Variants in HHAT observed in about 807,000 individuals in gnomAD.
HHAT encodes protein-cysteine N-palmitoyltransferase HHAT.
In HHAT, 47 loss-of-function variants were observed where a neutral mutation model predicts 70.8. The ratio of observed to expected loss-of-function variants is 0.66; its 90% CI spans 0.53 to 0.85. The LOEUF (loss-of-function observed/expected upper bound fraction) is 0.85, where lower values mean the gene tolerates loss of function less well. Ranked by LOEUF, HHAT falls within the 40% of genes least tolerant of loss-of-function variation. The pLI, the probability that HHAT is intolerant of heterozygous loss-of-function variation, is 0.00. For synonymous variants in HHAT, 228 were observed against 247.6 expected, an observed-to-expected ratio of 0.92 and a Z score of 0.74; for missense variants, 609 against 604.8, an observed-to-expected ratio of 1.01 and a Z score of -0.07.
intron 11 of HHAT, among the ~76,000 whole-genome samples, chr1:210,663,298 C>T (rs1333028068): frequency 2.0e-5 from 3 of 152,090 alleles, no homozygotes; most frequent in African/African-American, 7.2e-5. Flanking sequence ...TCTCTGTTAC[C>T]TTGAGCACCT....
intron 6 of HHAT, among the ~76,000 whole-genome samples, chr1:210,409,857 G>T (rs1204426132): frequency 6.6e-6 from 1 of 152,180 alleles, no homozygotes; most frequent in Non-Finnish European, 1.5e-5. Context: ...ATGAGTTAAT[G>T]TGTATTTTTT....
chr1:210,375,002 C>G (rs1469986976), intron 3 of HHAT, among the ~76,000 whole-genome samples: 1 of 152,214 alleles, frequency 6.6e-6, no homozygotes, highest in African/African-American at 2.4e-5. Flanking sequence ...GGTTAGCTCC[C>G]CAGTGGGGAA....
At chr1:210,511,707 C>A (rs1260625442) in intron 8 of HHAT, among the ~76,000 whole-genome samples, 1 of 151,926 alleles carries the variant, frequency 6.6e-6, no homozygotes, top group African/African-American at 2.4e-5. Context: ...TGGGATGCAA[C>A]CACCACCCGT....
Position 210,329,074 on chromosome 1 carries a change from T to C in HHAT, c.-74T>C, listed in dbSNP as rs781074105. The C allele has an allele frequency of 3.0e-5, 43 of 1,428,564 alleles. 1 individual carries two copies. The Middle Eastern group carries it at 1.4e-3, about 47-fold the overall frequency. 88.5% of individuals were successfully genotyped at this position (1,428,564 alleles called of 1,614,324 possible). A position where few individuals can be genotyped will look rare whatever the true frequency, so the allele number is the denominator to read the frequency against. ...GGGAACTCGCGGCGCGCGTGAACGT[T>C]GCCGTCGCCGCCGCCCGGGACAGCC... On this transcript the variant is annotated 5_prime_UTR_variant, in exon 1 of 12. Coordinates refer to ENST00000261458, the MANE Select transcript of HHAT (RefSeq NM_018194.6).
intron 11 of HHAT, among the ~76,000 whole-genome samples, chr1:210,669,348 T>G (rs771913781): frequency 1.3e-5 from 2 of 152,158 alleles, no homozygotes; most frequent in Non-Finnish European, 2.9e-5. Context: ...TCTCTTCGCT[T>G]CAGCCATTTC....
At chr1:210,550,115 TC>T (rs544757409) in intron 9 of HHAT, among the ~76,000 whole-genome samples, 2 of 149,346 alleles carry the variant, frequency 1.3e-5, no homozygotes, top group South Asian at 2.2e-4. Context: ...TAAACTCCAC[TC>T]ATCCTTTCAT....
chr1:210,618,736 G>A (rs969610192), intron 10 of HHAT, among the ~76,000 whole-genome samples: 7 of 152,122 alleles, frequency 4.6e-5, no homozygotes, highest in African/African-American at 1.7e-4. Flanking sequence ...TTTGACCCAC[G>A]TTCCTGCAGC....
intron 6 of HHAT, among the ~76,000 whole-genome samples, chr1:210,409,915 C>G (rs1485310334): frequency 6.6e-6 from 1 of 152,096 alleles, no homozygotes; most frequent in African/African-American, 2.4e-5. Context: ...TTCCAGTGGT[C>G]TAAAGGTTTG....
At chr1:210,543,021 C>T (rs1409752144) in intron 9 of HHAT, among the ~76,000 whole-genome samples, 1 of 152,098 alleles carries the variant, frequency 6.6e-6, no homozygotes, top group Non-Finnish European at 1.5e-5. Flanking sequence ...GGGAGAACTG[C>T]ATTTGCTTCA....
chr1:210,360,842 TTCAC>T (rs1381466755), intron 2 of HHAT, among the ~76,000 whole-genome samples: 7 of 108,636 alleles, frequency 6.4e-5, no homozygotes, highest in South Asian at 3.1e-4. Flanking sequence ...AATAATTAAC[TTCAC>T]TTTTTTTTTT....
intron 9 of HHAT, among the ~76,000 whole-genome samples, chr1:210,575,014 A>C (rs1349374710): frequency 6.6e-6 from 1 of 152,212 alleles, no homozygotes; most frequent in Non-Finnish European, 1.5e-5. Flanking sequence ...CCCATAGTTC[A>C]CATGCTGATT....
At chr1:210,425,373 T>A (rs2093031691) in intron 7 of HHAT, among the ~76,000 whole-genome samples, 2 of 152,230 alleles carry the variant, frequency 1.3e-5, no homozygotes, top group South Asian at 4.1e-4. Flanking sequence ...AATTTTGCTT[T>A]TGTTGCAATT....
At chr1:210,628,713 C>A (rs1420159418) in intron 11 of HHAT, among the ~76,000 whole-genome samples, 1 of 152,172 alleles carries the variant, frequency 6.6e-6, no homozygotes, top group Non-Finnish European at 1.5e-5. Flanking sequence ...AGTATATTTT[C>A]TCCCTGATTA....
chr1:210,547,797 T>C (rs1039407811), intron 9 of HHAT, among the ~76,000 whole-genome samples: 3 of 152,184 alleles, frequency 2.0e-5, no homozygotes, highest in Non-Finnish European at 4.4e-5. Flanking sequence ...CTCCAGAACC[T>C]CACCGAACAA....
At chr1:210,670,382 T>G (rs1679833566) in intron 11 of HHAT, among the ~76,000 whole-genome samples, 1 of 152,194 alleles carries the variant, frequency 6.6e-6, no homozygotes, top group Admixed American at 6.5e-5. Context: ...TGAGTAGTGC[T>G]GAAGGGTGAC....
intron 2 of HHAT, among the ~76,000 whole-genome samples, chr1:210,350,317 T>C (rs1215820607): frequency 1.3e-5 from 2 of 152,230 alleles, no homozygotes; most frequent in Non-Finnish European, 1.5e-5. Context: ...CAATGGAATT[T>C]GCCAGGATTT....
At chr1:210,366,959 A>G (rs1307390705) in intron 3 of HHAT, among the ~76,000 whole-genome samples, 1 of 152,134 alleles carries the variant, frequency 6.6e-6, no homozygotes, top group Non-Finnish European at 1.5e-5. Context: ...ACTTCCTTCC[A>G]CAAATACAGC....
chr1:210,533,002 T>C (rs2095330819), intron 9 of HHAT, among the ~76,000 whole-genome samples: 1 of 152,252 alleles, frequency 6.6e-6, no homozygotes, highest in Admixed American at 6.5e-5. Context: ...GTAGGTTTTC[T>C]GGAATATACC....
At chr1:210,527,252 G>A (rs139517679) in intron 9 of HHAT, among the ~76,000 whole-genome samples, 192 of 152,102 alleles carry the variant, frequency 1.3e-3, no homozygotes, top group Non-Finnish European at 2.3e-3. Flanking sequence ...GGAAGCGTCA[G>A]GTGCTCCCTT....
Sources: allele counts gnomAD v4.1 joint callset (sites outside exome capture counted in the v4.1 genomes callset), GRCh38; gene constraint gnomAD v4.1.1; transcripts MANE v1.5; gene names NCBI Gene and HGNC (gene_info 2026-07-23, HGNC 2026-07-21).